CENPP: variants seen among roughly 807,000 people sequenced by gnomAD.
CENPP encodes centromere protein P.
CENPP carries 24 observed loss-of-function variants against 35.6 expected under a neutral mutation model. The observed-to-expected ratio is 0.67, with a 90% CI of 0.49 to 0.95. The LOEUF is 0.95. Among genes scored for constraint, CENPP ranks in the 40% least tolerant of loss-of-function variants. The pLI, the probability that CENPP is intolerant of heterozygous loss-of-function variation, is 0.00. For synonymous variants in CENPP, 120 were observed against 125.5 expected, an observed-to-expected ratio of 0.96 and a Z score of 0.29; for missense variants, 332 against 345.3, an observed-to-expected ratio of 0.96 and a Z score of 0.31.
intron 5 of CENPP, among the ~76,000 whole-genome samples, chr9:92,506,876 A>C (rs1847037831): frequency 6.6e-6 from 1 of 152,088 alleles, no homozygotes; most frequent in Non-Finnish European, 1.5e-5. Flanking sequence ...AGAGAAGTAC[A>C]CTGGGAGGGC....
At chr9:92,372,954 C>T (rs1842043961) in intron 4 of CENPP, among the ~76,000 whole-genome samples, 1 of 151,876 alleles carries the variant, frequency 6.6e-6, no homozygotes, top group African/African-American at 2.4e-5. Flanking sequence ...GCTTTGAGGT[C>T]GTTGAACATT....
chr9:92,327,567 G>A (rs1051703764), intron 1 of CENPP, among the ~76,000 whole-genome samples: 1 of 152,226 alleles, frequency 6.6e-6, no homozygotes, highest in South Asian at 2.1e-4. Flanking sequence ...ATATTTAAAT[G>A]CATTACAATT....
At chr9:92,556,418 T>A (rs1424504534) in intron 5 of CENPP, among the ~76,000 whole-genome samples, 1 of 152,100 alleles carries the variant, frequency 6.6e-6, no homozygotes, top group Admixed American at 6.6e-5. Context: ...TGTTCCAAGG[T>A]ATTGTAACAA....
At chr9:92,462,878 A>G (rs544307065) in intron 5 of CENPP, among the ~76,000 whole-genome samples, 2 of 152,352 alleles carry the variant, frequency 1.3e-5, no homozygotes, top group South Asian at 4.1e-4. Context: ...TCACTAGAAA[A>G]ATAGCTGGTG....
In CENPP at chr9:92,491,305, G is replaced by A. The variant is rs547340549; in HGVS notation, c.564+111446G>A. Among the ~76,000 whole-genome samples the A allele has an allele frequency of 2.6e-5, 4 of 152,266 alleles. No individual in the cohort carries two copies. The East Asian group carries it at 7.7e-4, about 29-fold the overall frequency. On this transcript the variant is annotated intron_variant, in intron 5 of 7. Coordinates refer to ENST00000375587, the MANE Select transcript of CENPP (RefSeq NM_001012267.3). The stretch of plus-strand genomic sequence containing the variant: ...TGGGTAGCGGCACAGGCACTGAATA[G>A]CGGGGGTTTTGTGGGGCTGGGGGTC...
intron 5 of CENPP, among the ~76,000 whole-genome samples, chr9:92,397,287 G>C (rs1315109088): frequency 6.6e-6 from 1 of 152,098 alleles, no homozygotes; most frequent in African/African-American, 2.4e-5. Flanking sequence ...CCCCAACCCT[G>C]AAATCAGCTA....
Position 92,332,341 on chromosome 9 carries a change from G to A in CENPP, c.279G>A (p.Met93Ile), listed in dbSNP as rs1259407013. ...KQTEDLTSTE[M>I]TEKSIRKVLQ... ...CAGAAGACCTAACAAGCACTGAGAT[G>A]ACAGAAAAGAGTAAGCATTTTTTTT... Residue 93 changes from methionine to isoleucine, a missense_variant, in exon 2 of 8, where the codon ATG (methionine) becomes ATA (isoleucine). Transcript: ENST00000375587. 1 of 1,574,988 alleles carries A rather than the reference G, an allele frequency of 6.3e-7. No homozygotes were observed. The highest frequency in any genetic ancestry group is 8.6e-7 in the Non-Finnish European group (1 of 1,163,028).
intron 5 of CENPP, among the ~76,000 whole-genome samples, chr9:92,589,029 A>G (rs557598633): frequency 6.6e-6 from 1 of 152,250 alleles, no homozygotes; most frequent in Admixed American, 6.5e-5. Flanking sequence ...TATAAAGGAC[A>G]TTAAAAAATT....
intron 5 of CENPP, among the ~76,000 whole-genome samples, chr9:92,432,634 C>T (rs898236525): frequency 2.6e-5 from 4 of 152,172 alleles, no homozygotes; most frequent in African/African-American, 9.7e-5. Context: ...CACTCATAGG[C>T]ACGGGGAGCA....
At chr9:92,479,876 A>G (rs920855837) in intron 5 of CENPP, among the ~76,000 whole-genome samples, 3 of 152,186 alleles carry the variant, frequency 2.0e-5, no homozygotes, top group Non-Finnish European at 4.4e-5. Flanking sequence ...TATAGGTCCT[A>G]AACCTCCCCC....
intron 4 of CENPP, among the ~76,000 whole-genome samples, chr9:92,350,504 G>T (rs774643497): frequency 1.2e-4 from 19 of 152,166 alleles, no homozygotes; most frequent in Non-Finnish European, 2.5e-4. Context: ...GTGTGTATGT[G>T]TTTAAACTTG....
chr9:92,480,428 C>G (rs1845873008), intron 5 of CENPP, among the ~76,000 whole-genome samples: 1 of 152,200 alleles, frequency 6.6e-6, no homozygotes, highest in Admixed American at 6.5e-5. Context: ...TTGTGCTTTG[C>G]ACTAGACTGC....
chr9:92,490,857 A>G (rs1479253263), intron 5 of CENPP, among the ~76,000 whole-genome samples: 1 of 152,166 alleles, frequency 6.6e-6, no homozygotes, highest in Non-Finnish European at 1.5e-5. Flanking sequence ...ACCCTGTATA[A>G]ATCTTTTTCT....
At chr9:92,442,860 A>C (rs1844453949) in intron 5 of CENPP, among the ~76,000 whole-genome samples, 2 of 152,254 alleles carry the variant, frequency 1.3e-5, no homozygotes, top group South Asian at 2.1e-4. Context: ...AAAAAAAAAA[A>C]AACATTGGAT....
chr9:92,347,511 G>A lies in CENPP; in HGVS notation c.467+1724G>A, dbSNP rs150260482. 9.8e-5 allele frequency among the ~76,000 whole-genome samples: 15 copies of A among 152,324 alleles called. No individual in the cohort carries two copies. The East Asian group carries it at 2.7e-3, about 27-fold the overall frequency. On this transcript the variant is annotated intron_variant, in intron 4 of 7. Coordinates refer to ENST00000375587, the MANE Select transcript of CENPP (RefSeq NM_001012267.3). ...TTATTCCAGATTCAACTACGTGTAAGTTACCTCTCCTTTTGGAGTTTCTTT... is the reference window on the plus strand; with the variant it reads ...TTATTCCAGATTCAACTACGTGTAAATTACCTCTCCTTTTGGAGTTTCTTT...
chr9:92,539,922 T>C (rs1223981713), intron 5 of CENPP, among the ~76,000 whole-genome samples: 2 of 152,196 alleles, frequency 1.3e-5, no homozygotes, highest in African/African-American at 4.8e-5. Context: ...TGTGTACGCA[T>C]TTCCAGGTTG....
chr9:92,344,539 TTTATTA>T (rs1305181967), intron 3 of CENPP, among the ~76,000 whole-genome samples: 1 of 151,950 alleles, frequency 6.6e-6, no homozygotes, highest in African/African-American at 2.4e-5. Context: ...ATTATTTATT[TTTATTA>T]TTATTATTGT....
intron 5 of CENPP, among the ~76,000 whole-genome samples, chr9:92,459,368 A>G (rs1025444971): frequency 6.6e-6 from 1 of 152,262 alleles, no homozygotes; most frequent in Non-Finnish European, 1.5e-5. Flanking sequence ...TAACTGTGCC[A>G]GCGGCTTTGC....
At chr9:92,413,910 G>C (rs530807236) in intron 5 of CENPP, among the ~76,000 whole-genome samples, 3 of 152,280 alleles carry the variant, frequency 2.0e-5, no homozygotes, top group Non-Finnish European at 4.4e-5. Flanking sequence ...CAGAAAAAAA[G>C]ACTTGCAAGC....
Sources: gnomAD v4.1 joint callset for allele counts (sites outside exome capture counted in the v4.1 genomes callset) on GRCh38, gnomAD v4.1.1 for gene constraint, MANE v1.5 for transcripts, NCBI Gene and HGNC (gene_info 2026-07-23, HGNC 2026-07-21) for gene names.